Variants in TSPEAR observed in about 807,000 individuals in gnomAD.
TSPEAR encodes thrombospondin type laminin G domain and EAR repeats.
A neutral mutation model predicts 71.6 loss-of-function variants in TSPEAR; 69 were observed. The ratio of observed to expected loss-of-function variants is 0.96; its 90% CI spans 0.79 to 1.18. TSPEAR has a LOEUF of 1.18. Ranked by LOEUF, TSPEAR falls within the 50% of genes most tolerant of loss-of-function variation. TSPEAR has a pLI of 0.00. For missense variants in TSPEAR, 971 were observed against 894.9 expected, an observed-to-expected ratio of 1.09 and a Z score of -1.09; for synonymous variants, 402 against 387.2, an observed-to-expected ratio of 1.04 and a Z score of -0.45.
rs1981819183 is a variant in TSPEAR at position 44,612,933 on chromosome 21, C to T, written c.83-44928G>A. 6.3e-7 allele frequency: 1 copy of T among 1,594,922 alleles called. No individual in the cohort carries two copies. On this transcript the variant is annotated intron_variant, in intron 1 of 11. Transcript: ENST00000323084. The surrounding 1 kb of genome is among the most constrained non-coding windows in gnomAD (Gnocchi z 4.1). ...TGCTGATGGGCACGTCCCCCAGGGC[C>T]AGCCGGCTCCGGTCCTGTCCTGGGT...
chr21:44,567,717 T>G (rs1398137267), intron 2 of TSPEAR, 68 bp downstream of exon 2: 1 of 1,385,738 alleles, frequency 7.2e-7, no homozygotes, highest in African/African-American at 1.4e-5. Flanking sequence ...TGTGCACGCG[T>G]TGGTACTGGG....
intron 2 of TSPEAR, among the ~76,000 whole-genome samples, chr21:44,543,733 G>T (rs1312784258): frequency 6.6e-6 from 1 of 152,190 alleles, no homozygotes; most frequent in African/African-American, 2.4e-5. Flanking sequence ...TTTGCTGGGT[G>T]CCACCAGAAG....
At chr21:44,701,114 C>A (rs1808973976) in intron 1 of TSPEAR, among the ~76,000 whole-genome samples, 1 of 152,174 alleles carries the variant, frequency 6.6e-6, no homozygotes, top group Non-Finnish European at 1.5e-5. Flanking sequence ...TGATTAAGAT[C>A]CTTAAACATT....
At chr21:44,676,784 A>G in intron 1 of TSPEAR, 1 of 882,396 alleles carries the variant, frequency 1.1e-6, no homozygotes. Flanking sequence ...TGATGTTCTA[A>G]TGCTTTTGCT....
At chr21:44,540,204 G>T in intron 2 of TSPEAR, 2 of 1,588,650 alleles carry the variant, frequency 1.3e-6, no homozygotes, top group South Asian at 1.2e-5. Flanking sequence ...GAGTGTGGGA[G>T]TCAGTGTGTG....
rs587747882 is a variant in TSPEAR, at chr21:44,502,031, T to C, written c.1857-2095A>G. Among the ~76,000 whole-genome samples, 18 of 152,288 alleles carry C rather than the reference T, an allele frequency of 1.2e-4. No individual in the cohort carries two copies. In the South Asian group the frequency reaches 3.5e-3, roughly 30 times the overall value. ...ATGCTAAAAGCTTAAAGACAGGCAA[T>C]TGGAAGCCAGTGGCTTATTCAATAA... On this transcript the variant is annotated intron_variant, in intron 11 of 11. Coordinates refer to ENST00000323084, the MANE Select transcript of TSPEAR (RefSeq NM_144991.3).
At chr21:44,670,674 A>G (rs1374901222) in intron 1 of TSPEAR, among the ~76,000 whole-genome samples, 1 of 152,190 alleles carries the variant, frequency 6.6e-6, no homozygotes, top group Non-Finnish European at 1.5e-5. Context: ...GGGATTTGCC[A>G]GGATGCCACA....
At chr21:44,666,261 G>A in intron 1 of TSPEAR, 4 of 730,186 alleles carry the variant, frequency 5.5e-6, no homozygotes, top group Non-Finnish European at 8.7e-6. Flanking sequence ...ACTTCCCTGG[G>A]GGGATGGGCA....
intron 1 of TSPEAR, among the ~76,000 whole-genome samples, chr21:44,649,792 C>T (rs1287760358): frequency 1.3e-5 from 2 of 152,192 alleles, no homozygotes; most frequent in Non-Finnish European, 2.9e-5. Flanking sequence ...GGCCCAGCCA[C>T]GCGGATTCTC....
chr21:44,603,547 C>G (rs1455033725), intron 1 of TSPEAR, among the ~76,000 whole-genome samples: 1 of 152,194 alleles, frequency 6.6e-6, no homozygotes, highest in Admixed American at 6.5e-5. Context: ...GGGAAACACG[C>G]CCCCCACGCC....
At position 44,608,105 on chromosome 21, in the gene TSPEAR, T is replaced by C. The variant is rs974447121; in HGVS notation, c.83-40100A>G. Among the ~76,000 whole-genome samples the C allele has an allele frequency of 5.9e-5, 9 of 152,288 alleles. 1 individual carries two copies. Among genetic ancestry groups the C allele is most frequent in the Non-Finnish European group, 4.4e-5 (3 of 68,020 alleles). ...AGTACACCTGGGAACTCGGAGATGA[T>C]GGAAAATCCAGATCTTGCTTGTGGT... is the stretch of plus-strand genomic sequence containing the variant. On this transcript the variant is annotated intron_variant, in intron 1 of 11. Coordinates refer to ENST00000323084, the MANE Select transcript of TSPEAR (RefSeq NM_144991.3).
chr21:44,591,645 T>A lies in TSPEAR; in HGVS notation c.83-23640A>T, dbSNP rs371768583. 513 of 1,604,292 alleles carry A rather than the reference T, an allele frequency of 3.2e-4. 2 individuals are homozygous for A. The highest frequency in any genetic ancestry group is 2.9e-3 in the East Asian group (127 of 44,394). On this transcript the variant is annotated intron_variant, in intron 1 of 11. Coordinates refer to ENST00000323084, the MANE Select transcript of TSPEAR (RefSeq NM_144991.3). The stretch of plus-strand genomic sequence containing the variant: ...GGCAGCTAGACTGCTGGCAGCATGA[T>A]GTGGAAGCCCCAGAGCAGACGGGCA...
chr21:44,516,142 A>C (rs2052560247), intron 9 of TSPEAR: 2 of 152,276 alleles, frequency 1.3e-5, no homozygotes. Context: ...GCGCAGCCAC[A>C]GACCACCTTC....
chr21:44,599,279 C>A (rs11702525), intron 1 of TSPEAR, among the ~76,000 whole-genome samples: 27,229 of 152,058 alleles, frequency 0.18, 3,099 homozygotes, highest in East Asian at 0.29. Context: ...TTCATCCCAC[C>A]GTGTAACTGA....
rs782192072 is a variant in TSPEAR, at chr21:44,567,823, T to C, written c.265A>G (p.Ile89Val). 32 of 1,599,590 alleles carry C rather than the reference T, an allele frequency of 2.0e-5. No individual in the cohort carries two copies. In the South Asian group the frequency reaches 3.3e-4, roughly 17 times the overall value. ...QCDLFPEEFS[I>V]VVTLRVPNLP... ...TTGGGAACTCTCAAAGTTACGACGA[T>C]GGAAAATTCTTCAGGGAAGAGGTCA... Residue 89 changes from isoleucine to valine, a missense_variant, in exon 2 of 12, where the codon ATC (isoleucine) becomes GTC (valine). Transcript: ENST00000323084.
intron 2 of TSPEAR, among the ~76,000 whole-genome samples, chr21:44,553,799 C>T (rs1021521311): frequency 6.6e-6 from 1 of 152,128 alleles, no homozygotes; most frequent in African/African-American, 2.4e-5. Context: ...GAATAATACA[C>T]GATCTGGAAA....
intron 2 of TSPEAR, chr21:44,539,423 G>A: frequency 6.2e-7 from 1 of 1,602,956 alleles, no homozygotes; most frequent in Non-Finnish European, 8.5e-7. Context: ...CATACAGCAG[G>A]CGGGCCGGCA....
intron 1 of TSPEAR, among the ~76,000 whole-genome samples, chr21:44,588,765 G>GTA (rs587699493): frequency 1.6e-5 from 2 of 121,520 alleles, no homozygotes; most frequent in East Asian, 2.3e-4. Context: ...ATGTATGTGT[G>GTA]TATATATATG....
rs371918507 is a variant in TSPEAR, at chr21:44,695,048, T to C, written c.82+16385A>G. Among the ~76,000 whole-genome samples the C allele has an allele frequency of 7.2e-5, 11 of 152,354 alleles. No homozygotes were observed. The East Asian group carries it at 1.7e-3, about 24-fold the overall frequency. ...GCCACAGGCTGGAGGAGCTGCTTGA[T>C]GCAGACACTTGACCTCGGAGGTGTT... On this transcript the variant is annotated intron_variant, in intron 1 of 11. Coordinates refer to ENST00000323084, the MANE Select transcript of TSPEAR (RefSeq NM_144991.3). This position sits in a 1 kb window ranked among gnomAD's most constrained non-coding sequence, Gnocchi z 4.5.
Sources: allele counts gnomAD v4.1 joint callset (sites outside exome capture counted in the v4.1 genomes callset), GRCh38; gene constraint gnomAD v4.1.1; non-coding constraint Gnocchi (gnomAD v3.1); transcripts MANE v1.5; gene names NCBI Gene and HGNC (gene_info 2026-07-23, HGNC 2026-07-21).